The following NALF1 variants were observed in gnomAD, a reference collection of about 807,000 sequenced individuals.
NALF1 encodes the protein family with sequence similarity 155 member A.
A neutral mutation model predicts 48.4 loss-of-function variants in NALF1; 3 were observed. The observed-to-expected ratio is 0.06, with a 90% CI of 0.03 to 0.16. The LOEUF is 0.16. NALF1 is among the 10% of genes least tolerant of loss of function. The pLI is 1.00. For missense variants in NALF1, 526 were observed against 571.5 expected, an observed-to-expected ratio of 0.92 and a Z score of 0.81; for synonymous variants, 262 against 245.7, an observed-to-expected ratio of 1.07 and a Z score of -0.62.
At chr13:107,606,512 C>A (rs532269261) in intron 1 of NALF1, among the ~76,000 whole-genome samples, 2 of 152,048 alleles carry the variant, frequency 1.3e-5, no homozygotes, top group African/African-American at 2.4e-5. Flanking sequence ...ATTACAGGTG[C>A]CAGCCACAGT....
chr13:107,284,677 G>C (rs1386498916), intron 1 of NALF1, among the ~76,000 whole-genome samples: 1 of 152,112 alleles, frequency 6.6e-6, no homozygotes, highest in East Asian at 1.9e-4. Context: ...CATAAAGGTG[G>C]GCCTCCATGA....
chr13:107,639,302 G>C (rs1880081948), intron 1 of NALF1, among the ~76,000 whole-genome samples: 1 of 151,950 alleles, frequency 6.6e-6, no homozygotes, highest in Non-Finnish European at 1.5e-5. Context: ...GCAGTGATCT[G>C]ATCCCTGCCA....
At chr13:107,783,206 C>T (rs1218118391) in intron 1 of NALF1, among the ~76,000 whole-genome samples, 22 of 127,426 alleles carry the variant, frequency 1.7e-4, no homozygotes, top group African/African-American at 5.6e-4. Context: ...GTCAGTCCCC[C>T]GCCCGGCCAG....
chr13:107,540,137 T>C lies in NALF1; in HGVS notation c.915+325545A>G, dbSNP rs9559056. 0.024 allele frequency among the ~76,000 whole-genome samples: 3,651 copies of C among 151,934 alleles called. 394 individuals carry two copies. The East Asian group carries it at 0.36, about 15-fold the overall frequency. On this transcript the variant is annotated intron_variant, in intron 1 of 2. Transcript: ENST00000375915. Reference sequence around the variant, plus strand: ...GCAATTCCCATCAGAAAAACACAGCTAAGTCGTTGCTTGTTATGATTCAAG... The same window carrying C: ...GCAATTCCCATCAGAAAAACACAGCCAAGTCGTTGCTTGTTATGATTCAAG...
intron 1 of NALF1, among the ~76,000 whole-genome samples, chr13:107,860,653 A>G (rs1880547993): frequency 6.6e-6 from 1 of 152,228 alleles, no homozygotes; most frequent in Non-Finnish European, 1.5e-5. Context: ...ACAACAAAAT[A>G]TTTGGTGCTT....
chr13:107,801,072 T>C (rs1224279674), intron 1 of NALF1, among the ~76,000 whole-genome samples: 1 of 152,204 alleles, frequency 6.6e-6, no homozygotes, highest in Admixed American at 6.5e-5. Flanking sequence ...TGTCCTTAAA[T>C]AACACTTGCT....
chr13:107,267,033 G>A (rs1881054142), intron 1 of NALF1, among the ~76,000 whole-genome samples: 1 of 152,132 alleles, frequency 6.6e-6, no homozygotes, highest in African/African-American at 2.4e-5. Context: ...TTTTACACCT[G>A]GGTTAACTGA....
At chr13:107,653,804 A>T (rs2138470102) in intron 1 of NALF1, among the ~76,000 whole-genome samples, 1 of 152,220 alleles carries the variant, frequency 6.6e-6, no homozygotes, top group Non-Finnish European at 1.5e-5. Flanking sequence ...AATAACAGAA[A>T]GAAATGGTAA....
At chr13:107,282,637 G>C (rs1213638589) in intron 1 of NALF1, among the ~76,000 whole-genome samples, 1 of 152,198 alleles carries the variant, frequency 6.6e-6, no homozygotes, top group Non-Finnish European at 1.5e-5. Flanking sequence ...TCTACAGCAA[G>C]TATGTTGTAA....
chr13:107,263,865 A>G (rs1880986066), intron 1 of NALF1, among the ~76,000 whole-genome samples: 1 of 152,148 alleles, frequency 6.6e-6, no homozygotes, highest in African/African-American at 2.4e-5. Context: ...CTTTTCCTAG[A>G]TTAAAAACAT....
chr13:107,404,369 T>C (rs1043022394), intron 1 of NALF1, among the ~76,000 whole-genome samples: 2 of 152,068 alleles, frequency 1.3e-5, no homozygotes, highest in African/African-American at 4.8e-5. Context: ...GAATTAATGA[T>C]AGCTTCAAAG....
chr13:107,211,941 A>G (rs1243093592), intron 1 of NALF1, among the ~76,000 whole-genome samples: 1 of 152,226 alleles, frequency 6.6e-6, no homozygotes, highest in Admixed American at 6.5e-5. Flanking sequence ...AATATTAAGT[A>G]ATAGTACTAT....
rs74553808 is a variant in NALF1 at position 107,458,756 on chromosome 13, G to A, written c.916-248001C>T. Reference sequence around the variant, plus strand: ...GAAACATGTATATGGAGACAATAGCGAGCCTGGGAGTAATTTTTGGCGTAT... The same window carrying A: ...GAAACATGTATATGGAGACAATAGCAAGCCTGGGAGTAATTTTTGGCGTAT... On this transcript the variant is annotated intron_variant, in intron 1 of 2. Transcript: ENST00000375915. Among the ~76,000 whole-genome samples the A allele has an allele frequency of 5.2e-4, 79 of 152,234 alleles. 2 individuals carry two copies. In the East Asian group the frequency reaches 0.015, roughly 29 times the overall value.
intron 2 of NALF1, among the ~76,000 whole-genome samples, chr13:107,203,862 A>G (rs760307947): frequency 1.2e-4 from 18 of 152,138 alleles, no homozygotes; most frequent in Non-Finnish European, 2.5e-4. Context: ...ACTACGTTAG[A>G]ATTTTCCCCA....
At chr13:107,685,704 T>C (rs1287562453) in intron 1 of NALF1, among the ~76,000 whole-genome samples, 1 of 152,208 alleles carries the variant, frequency 6.6e-6, no homozygotes, top group African/African-American at 2.4e-5. Flanking sequence ...AATGGATCGA[T>C]GGATCTCTAA....
chr13:107,814,798 G>C (rs1879114823), intron 1 of NALF1, among the ~76,000 whole-genome samples: 1 of 151,938 alleles, frequency 6.6e-6, no homozygotes. Context: ...CAGGGAAATG[G>C]GGGACCTGAA....
intron 1 of NALF1, among the ~76,000 whole-genome samples, chr13:107,821,304 C>T (rs1454712684): frequency 2.6e-5 from 4 of 152,164 alleles, no homozygotes; most frequent in African/African-American, 9.7e-5. Flanking sequence ...CAATTATGCA[C>T]GTACAGCGAC....
intron 1 of NALF1, among the ~76,000 whole-genome samples, chr13:107,573,909 C>T (rs866364507): frequency 1.4e-4 from 22 of 152,188 alleles, no homozygotes; most frequent in African/African-American, 5.1e-4. Flanking sequence ...TCAATTAAAC[C>T]TCTTTCTTTT....
chr13:107,777,071 G>A (rs1434887003), intron 1 of NALF1, among the ~76,000 whole-genome samples: 1 of 152,132 alleles, frequency 6.6e-6, no homozygotes, highest in Non-Finnish European at 1.5e-5. Context: ...CAGCCTGGGT[G>A]ATGGAGCAAG....
Sources: allele counts gnomAD v4.1 joint callset (sites outside exome capture counted in the v4.1 genomes callset), GRCh38; gene constraint gnomAD v4.1.1; transcripts MANE v1.5; gene names NCBI Gene and HGNC (gene_info 2026-07-23, HGNC 2026-07-21).